Variants in COL4A2 observed in about 807,000 individuals in gnomAD.
COL4A2 encodes the protein collagen type IV alpha 2 chain.
COL4A2 carries 99 observed loss-of-function variants against 200.2 expected under a neutral mutation model. The ratio of observed to expected loss-of-function variants is 0.49; its 90% confidence interval spans 0.42 to 0.58. COL4A2 has a LOEUF of 0.58. Among genes scored for constraint, COL4A2 ranks in the 20% least tolerant of loss-of-function variants. The pLI, the probability that COL4A2 is intolerant of heterozygous loss-of-function variation, is 0.00. For missense variants in COL4A2, 1,950 were observed against 2,314.1 expected (o/e 0.84, Z 3.23); for synonymous variants, 897 against 900.6 (o/e 1.00, Z 0.07).
intron 7 of COL4A2, among the ~76,000 whole-genome samples, chr13:110,428,861 G>A (rs1375918947): frequency 3.3e-5 from 5 of 152,136 alleles, no homozygotes; most frequent in Admixed American, 6.5e-5. Context: ...TAGTGGAATC[G>A]TAAACGCAAA....
chr13:110,454,341 A>T (rs1881641425), intron 20 of COL4A2, among the ~76,000 whole-genome samples: 1 of 152,232 alleles, frequency 6.6e-6, no homozygotes, highest in African/African-American at 2.4e-5. Context: ...GTGTGCCTTT[A>T]GGACTAAATT....
At chr13:110,405,505 C>T (rs1015830523) in intron 4 of COL4A2, among the ~76,000 whole-genome samples, 2 of 151,740 alleles carry the variant, frequency 1.3e-5, no homozygotes, top group Non-Finnish European at 2.9e-5. Context: ...CATCACCCGA[C>T]GTTTTCCTAG....
At chr13:110,323,465 A>C (rs1003893061) in intron 3 of COL4A2, among the ~76,000 whole-genome samples, 1 of 152,240 alleles carries the variant, frequency 6.6e-6, no homozygotes, top group South Asian at 2.1e-4. Context: ...GTCATGCTAA[A>C]TATAATGTCT....
chr13:110,503,263 T>C lies in COL4A2; in HGVS notation c.4020T>C (p.Phe1340=), dbSNP rs1369898194. The C allele has an allele frequency of 6.2e-7, 1 of 1,605,722 alleles. No homozygotes were observed. The highest frequency in any genetic ancestry group is 1.1e-5 in the South Asian group (1 of 90,350). The part of the protein sequence containing the change: ...DSGPQGRPGV[F]GLPGEKGPRG... ...GGCCCCAGGGCAGGCCTGGTGTGTT[T>C]GGTCTCCCAGGAGAAAAAGGTAACA... The change falls in exon 42 of 48, where the codon TTT becomes TTC. Residue 1340 remains phenylalanine (F), a synonymous_variant. Coordinates refer to ENST00000360467, the MANE Select transcript of COL4A2 (RefSeq NM_001846.4).
chr13:110,434,014 A>C (rs1398222271), intron 11 of COL4A2, among the ~76,000 whole-genome samples: 10 of 152,238 alleles, frequency 6.6e-5, no homozygotes, highest in Non-Finnish European at 1.0e-4. Context: ...AAATGAGAGA[A>C]GACTGAGCCA....
At chr13:110,399,128 AT>A (rs1463397623) in intron 4 of COL4A2, among the ~76,000 whole-genome samples, 2 of 152,200 alleles carry the variant, frequency 1.3e-5, no homozygotes, top group African/African-American at 4.8e-5. Flanking sequence ...ATGAAAGGGC[AT>A]TGGGGAGAAA....
intron 4 of COL4A2, among the ~76,000 whole-genome samples, chr13:110,358,878 A>T (rs1240737377): frequency 6.6e-6 from 1 of 152,218 alleles, no homozygotes; most frequent in African/African-American, 2.4e-5. Flanking sequence ...ATTGAGAGCA[A>T]TTTTAATTTT....
chr13:110,430,083 C>T (rs994397608), intron 8 of COL4A2, 127 bp downstream of exon 8: 10 of 968,804 alleles, frequency 1.0e-5, no homozygotes, highest in African/African-American at 1.7e-5. Flanking sequence ...AGAATGGCGG[C>T]ATAATCTAAA....
chr13:110,437,331 C>T (rs112533687), intron 13 of COL4A2, among the ~76,000 whole-genome samples: 1 of 152,188 alleles, frequency 6.6e-6, no homozygotes, highest in African/African-American at 2.4e-5. Context: ...CGTGGAGGTG[C>T]TCAATCTTCC....
rs1225384332 is a variant in COL4A2, at chr13:110,491,251, G to A, written c.3365G>A (p.Gly1122Glu). Reference protein sequence around the residue: ...TGIPGLKGFFGEKGTEGDIGF... With the variant: ...TGIPGLKGFFEEKGTEGDIGF... ...GTTGCAGGTCTGAAGGGATTCTTTGGAGAGAAGGGAACAGAAGGTGACATC... is the reference window on the plus strand; with the variant it reads ...GTTGCAGGTCTGAAGGGATTCTTTGAAGAGAAGGGAACAGAAGGTGACATC... Residue 1122 changes from glycine to glutamate, a missense_variant, in exon 37 of 48, where the codon GGA becomes GAA. Physicochemically the swap from Gly to Glu is moderately conservative, Grantham distance 98. Coordinates refer to ENST00000360467, the MANE Select transcript of COL4A2 (RefSeq NM_001846.4). 6.3e-7 allele frequency: 1 copy of A among 1,599,486 alleles called. No individual in the cohort carries two copies. Among genetic ancestry groups the A allele is most frequent in the Admixed American group, 1.7e-5 (1 of 58,616 alleles).
Position 110,434,989 on chromosome 13 carries a change from A to G in COL4A2, c.726+547A>G, listed in dbSNP as rs562791355. Among the ~76,000 whole-genome samples the G allele has an allele frequency of 3.9e-5, 6 of 152,380 alleles. No homozygotes were observed. In the East Asian group the frequency reaches 9.6e-4, roughly 25 times the overall value. ...TAACGCAGCGCCACACCCCGCAAGC[A>G]AAACCTCACCAACACAGTCCCATTG... On this transcript the variant is annotated intron_variant, in intron 12 of 47. Coordinates refer to ENST00000360467, the MANE Select transcript of COL4A2 (RefSeq NM_001846.4).
chr13:110,389,554 T>TTC (rs1486695572), intron 4 of COL4A2, among the ~76,000 whole-genome samples: 1 of 152,220 alleles, frequency 6.6e-6, no homozygotes, highest in Non-Finnish European at 1.5e-5. Flanking sequence ...CAGGGAGTCC[T>TTC]TCTCAGACCC....
chr13:110,470,569 C>T (rs1446884402), intron 28 of COL4A2, among the ~76,000 whole-genome samples: 1 of 152,204 alleles, frequency 6.6e-6, no homozygotes, highest in African/African-American at 2.4e-5. Context: ...TGACATCGTT[C>T]CATGCCCTTG....
intron 4 of COL4A2, among the ~76,000 whole-genome samples, chr13:110,391,335 T>C (rs1468468789): frequency 1.3e-5 from 2 of 152,194 alleles, no homozygotes; most frequent in Non-Finnish European, 2.9e-5. Flanking sequence ...AGAAGCAAAA[T>C]GGTGACTATC....
At chr13:110,351,276 T>C (rs1231563302) in intron 3 of COL4A2, among the ~76,000 whole-genome samples, 2 of 152,104 alleles carry the variant, frequency 1.3e-5, no homozygotes, top group African/African-American at 2.4e-5. Flanking sequence ...GGTTTTGCTT[T>C]GTTACCCAGG....
At chr13:110,379,339 G>A (rs920328944) in intron 4 of COL4A2, among the ~76,000 whole-genome samples, 1 of 152,226 alleles carries the variant, frequency 6.6e-6, no homozygotes, top group Non-Finnish European at 1.5e-5. Flanking sequence ...GCTAAGAGGC[G>A]AGTACGCGTG....
intron 12 of COL4A2, among the ~76,000 whole-genome samples, chr13:110,435,572 C>A (rs1242628910): frequency 6.6e-6 from 1 of 152,080 alleles, no homozygotes; most frequent in Non-Finnish European, 1.5e-5. Context: ...TACTGCTGTC[C>A]GTGTTATGTG....
chr13:110,506,275 TC>T, intron 45 of COL4A2, 139 bp from the exon 46 acceptor site: 2 of 881,048 alleles, frequency 2.3e-6, no homozygotes, highest in Admixed American at 2.9e-5. Flanking sequence ...TCTCTCTCTC[TC>T]TCTCGGGCTG....
chr13:110,510,424 C>CT (rs1295109851), intron 47 of COL4A2, among the ~76,000 whole-genome samples: 1 of 152,240 alleles, frequency 6.6e-6, no homozygotes, highest in Admixed American at 6.5e-5. Context: ...ATTCTGGCTA[C>CT]TATCTGGAGC....
Sources: allele counts gnomAD v4.1 joint callset (sites outside exome capture counted in the v4.1 genomes callset), GRCh38; gene constraint gnomAD v4.1.1; transcripts MANE v1.5; gene names NCBI Gene and HGNC (gene_info 2026-07-23, HGNC 2026-07-21).